Variants in PKM observed in about 807,000 individuals in gnomAD.
PKM encodes pyruvate kinase M1/2, also known as pyruvate kinase PKM.
Under a neutral mutation model 49.8 loss-of-function variants are expected in PKM, and 18 were observed. The ratio of observed to expected loss-of-function variants is 0.36; its 90% confidence interval spans 0.25 to 0.54. The LOEUF (loss-of-function observed/expected upper bound fraction) is 0.54, where lower values mean the gene tolerates loss of function less well. Among genes scored for constraint, PKM ranks in the 20% least tolerant of loss-of-function variants. The pLI is 0.89. For synonymous variants in PKM, 239 were observed against 261.8 expected, an observed-to-expected ratio of 0.91 and a Z score of 0.84; for missense variants, 508 against 713.8, an observed-to-expected ratio of 0.71 and a Z score of 3.28.
chr15:72,229,505 G>A (rs1218406021), intron 1 of PKM: 4 of 1,198,362 alleles, frequency 3.3e-6, no homozygotes, highest in Non-Finnish European at 4.4e-6. Flanking sequence ...CCAAGCCCTG[G>A]GTCTGGAGTA....
intron 1 of PKM, chr15:72,228,512 C>T: frequency 1.9e-6 from 1 of 532,728 alleles, no homozygotes; most frequent in Non-Finnish European, 3.3e-6. Flanking sequence ...CATTATCTGA[C>T]TCACTGAAAG....
At chr15:72,209,449 ATATATATATGTATG>A (rs2082185112) in intron 5 of PKM, 4 of 44,106 alleles carry the variant, frequency 9.1e-5, no homozygotes, top group African/African-American at 3.9e-4. Flanking sequence ...ATGTATATAT[ATATATATATGTATG>A]TATGTTCCTG....
At chr15:72,209,564 C>T (rs1596747859) in intron 5 of PKM, 109 bp downstream of exon 5, 2 of 881,798 alleles carry the variant, frequency 2.3e-6, no homozygotes, top group East Asian at 2.4e-5. Context: ...TGAGAACACA[C>T]AGACTCAATC....
Position 72,202,379 on chromosome 15 carries a change from A to G in PKM, c.1307+75T>C. On this transcript the variant is annotated intron_variant, in intron 9 of 10. Transcript: ENST00000335181. The surrounding 1 kb of genome is among the most constrained non-coding windows in gnomAD (Gnocchi z 4.5). ...CTCAGTGCCACCTGAGCATTGTTCA[A>G]TGGACTGCTCCCAGGACCCCCAAGG... 1.4e-6 allele frequency: 2 copies of G among 1,451,698 alleles called. No individual in the cohort carries two copies. Among genetic ancestry groups the G allele is most frequent in the Non-Finnish European group, 1.9e-6 (2 of 1,052,944 alleles). The allele number at this position is 1,451,698 out of a possible 1,614,324, so 89.9% of individuals were successfully genotyped here.
At chr15:72,211,127 A>G (rs1246419993) in intron 3 of PKM, among the ~76,000 whole-genome samples, 2 of 149,780 alleles carry the variant, frequency 1.3e-5, no homozygotes, top group Admixed American at 1.3e-4. Context: ...GTGCAGTGGC[A>G]CTATCTAGGC....
chr15:72,210,143 G>A (rs1265283323), intron 4 of PKM: 1 of 698,702 alleles, frequency 1.4e-6, no homozygotes, highest in Admixed American at 2.7e-5. Flanking sequence ...AAAAAAAAAG[G>A]TTCCTTTGTG....
chr15:72,216,433 C>T (rs2140726848), intron 3 of PKM, among the ~76,000 whole-genome samples: 1 of 152,222 alleles, frequency 6.6e-6, no homozygotes, highest in African/African-American at 2.4e-5. Context: ...CCAGCCAAGG[C>T]AATATAGTGA....
upstream of PKM, chr15:72,231,531 G>A (rs1156849025): frequency 6.6e-6 from 1 of 152,534 alleles, no homozygotes; most frequent in Non-Finnish European, 1.5e-5. Context: ...TTGCCGCCAA[G>A]TTGGGCTGCC....
At position 72,209,878 on chromosome 15, in the gene PKM, G is replaced by GCAGTGCCGCTCTAGGGA. The variant is rs1567114679; in HGVS notation, c.379-20_379-19insTCCCTAGAGCGGCACTG. On this transcript the variant is annotated intron_variant, in intron 4 of 10. Coordinates refer to ENST00000335181, the MANE Select transcript of PKM (RefSeq NM_002654.6). Reference sequence around the variant, plus strand: ...TGCCGCTCTAGGGACAAGAGAGTAAGCAAGAGTCCAAACTGGAGACACCAG... The same window carrying GCAGTGCCGCTCTAGGGA: ...TGCCGCTCTAGGGACAAGAGAGTAAGCAGTGCCGCTCTAGGGACAAGAGTCCAAACTGGAGACACCAG... 6.2e-7 allele frequency: 1 copy of GCAGTGCCGCTCTAGGGA among 1,610,366 alleles called. No homozygotes were observed. The highest frequency in any genetic ancestry group is 1.1e-5 in the South Asian group (1 of 91,016).
chr15:72,206,528 G>GT, intron 8 of PKM, 200 bp downstream of exon 8: 1 of 591,432 alleles, frequency 1.7e-6, no homozygotes, highest in Non-Finnish European at 3.0e-6. Flanking sequence ...AGGGGTGGGG[G>GT]TGTGGGCAGG....
intron 1 of PKM, among the ~76,000 whole-genome samples, chr15:72,227,527 C>G (rs2082706084): frequency 6.6e-6 from 1 of 152,030 alleles, no homozygotes; most frequent in South Asian, 2.1e-4. Flanking sequence ...GGTGGATCAC[C>G]TAAGTCAGGA....
In PKM at chr15:72,202,673, G is replaced by A; in HGVS notation, c.1141-53C>T. 1 of 1,501,814 alleles carries A rather than the reference G, an allele frequency of 6.7e-7. No individual in the cohort carries two copies. Among genetic ancestry groups the A allele is most frequent in the Non-Finnish European group, 9.2e-7 (1 of 1,088,948 alleles). 93.0% of individuals were successfully genotyped at this position (1,501,814 alleles called of 1,614,324 possible). Reference sequence around the variant, plus strand: ...ACGAGAGGGGGACAGAGCTTTGTCAGAGCTTTGTCACAAAAGGAGAGGGAG... The same window carrying A: ...ACGAGAGGGGGACAGAGCTTTGTCAAAGCTTTGTCACAAAAGGAGAGGGAG... On this transcript the variant is annotated intron_variant, in intron 8 of 10. Transcript: ENST00000335181. This position sits in a 1 kb window ranked among gnomAD's most constrained non-coding sequence, Gnocchi z 4.5.
intron 8 of PKM, chr15:72,203,217 G>A (rs753561371): frequency 1.2e-6 from 2 of 1,605,320 alleles, no homozygotes; most frequent in East Asian, 2.2e-5. Flanking sequence ...GAGGGGGCAA[G>A]GAAGAGGGAA....
chr15:72,217,025 G>C (rs1228792515), intron 3 of PKM, among the ~76,000 whole-genome samples: 1 of 152,246 alleles, frequency 6.6e-6, no homozygotes, highest in African/African-American at 2.4e-5. Flanking sequence ...CAATCTGCTA[G>C]ATGGTTTACC....
Position 72,199,762 on chromosome 15 carries a change from GGAAGA to G in PKM, c.1490-11_1490-7del. The G allele has an allele frequency of 6.2e-7, 1 of 1,601,668 alleles. No homozygotes were observed. The highest frequency in any genetic ancestry group is 8.6e-7 in the Non-Finnish European group (1 of 1,169,490). On this transcript the variant is annotated splice_polypyrimidine_tract_variant and splice_region_variant and intron_variant, in intron 10 of 10. Transcript: ENST00000335181. ...GAAGAAGCCTCGGGCCTTGCCTGGA[GGAAGA>G]GAAGGGAGGTTGGTGAGTAAAAGCC... is the stretch of plus-strand genomic sequence containing the variant.
chr15:72,203,649 T>G, intron 8 of PKM: 1 of 193,392 alleles, frequency 5.2e-6, no homozygotes, highest in Non-Finnish European at 1.1e-5. Context: ...GAGCGCTCAC[T>G]TGGCTTCAGG....
chr15:72,208,393 C>T (rs2082139324), intron 6 of PKM, among the ~76,000 whole-genome samples: 1 of 152,010 alleles, frequency 6.6e-6, no homozygotes, highest in South Asian at 2.1e-4. Flanking sequence ...TGTCAAGCTG[C>T]CAGCATCTCA....
At chr15:72,225,375 T>C (rs1765119653) in intron 1 of PKM, among the ~76,000 whole-genome samples, 1 of 152,174 alleles carries the variant, frequency 6.6e-6, no homozygotes, top group African/African-American at 2.4e-5. Flanking sequence ...GAGATGGGAA[T>C]CTTGCGATGT....
chr15:72,202,297 CT>C lies in PKM; in HGVS notation c.1307+156del, dbSNP rs2081964255. On this transcript the variant is annotated intron_variant, in intron 9 of 10. Coordinates refer to ENST00000335181, the MANE Select transcript of PKM (RefSeq NM_002654.6). This position sits in a 1 kb window ranked among gnomAD's most constrained non-coding sequence, Gnocchi z 4.5. ...GAGTCCTTTGGGCCCAGGGAAGGGGCTCTGCTCAATCCTTCCCTGCAGGCCC... is the reference window on the plus strand; with the variant it reads ...GAGTCCTTTGGGCCCAGGGAAGGGGCCTGCTCAATCCTTCCCTGCAGGCCC... The C allele has an allele frequency of 5.4e-6, 4 of 734,462 alleles. No homozygotes were observed. The highest frequency in any genetic ancestry group is 2.1e-5 in the Admixed American group (1 of 47,804). The allele number at this position is 734,462 out of a possible 1,614,324, so 45.5% of individuals were successfully genotyped here.
Sources: allele counts gnomAD v4.1 joint callset (sites outside exome capture counted in the v4.1 genomes callset), GRCh38; gene constraint gnomAD v4.1.1; non-coding constraint Gnocchi (gnomAD v3.1); transcripts MANE v1.5; gene names NCBI Gene and HGNC (gene_info 2026-07-23, HGNC 2026-07-21).